The following ZNF628 variants were observed in gnomAD, a reference collection of about 807,000 sequenced individuals.
ZNF628 encodes zinc finger protein 628, also known as zinc finger protein Zec.
In ZNF628, 3 loss-of-function variants were observed where a neutral mutation model predicts 2.5. That is an observed-to-expected ratio of 1.19 (90% CI 0.54 to 3.07). The LOEUF is 3.07. Ranked by LOEUF, ZNF628 falls within the 30% of genes most tolerant of loss-of-function variation. The pLI is 0.03. For synonymous variants in ZNF628, 861 were observed against 717.1 expected (o/e 1.20, Z -3.21); for missense variants, 1,610 against 1,517.1 (o/e 1.06, Z -1.02).
Position 55,482,180 on chromosome 19 carries a change from C to A in ZNF628, c.987C>A (p.Pro329=), listed in dbSNP as rs572231430. 28 of 1,493,656 alleles carry A rather than the reference C, an allele frequency of 1.9e-5. 1 individual carries two copies. In the African/African-American group the frequency reaches 2.8e-4, roughly 15 times the overall value. 92.5% of individuals were successfully genotyped at this position (1,493,656 alleles called of 1,614,324 possible). A position where few individuals can be genotyped will look rare whatever the true frequency, so the allele number is the denominator to read the frequency against. ...CGGCGCCCCAGCCCCAGGAGGCACC[C>A]GCCGAGGCGCCCAAGGCCGACCAGC... ...PDAAPQPQEA[P]AEAPKADQPP... The change falls in exon 3 of 3, where the codon CCC becomes CCA. Residue 329 remains proline (P), a synonymous_variant. Coordinates refer to ENST00000598519, the MANE Select transcript of ZNF628 (RefSeq NM_033113.3).
chr19:55,477,815 C>T (rs1286565049), intron 1 of ZNF628, among the ~76,000 whole-genome samples: 1 of 152,026 alleles, frequency 6.6e-6, no homozygotes, highest in African/African-American at 2.4e-5. Flanking sequence ...GACGGGGATG[C>T]CTAGCCTTCA....
chr19:55,482,005 C>G lies in ZNF628; in HGVS notation c.812C>G (p.Pro271Arg), dbSNP rs926712381. The change falls in exon 3 of 3, where the codon CCG (proline) becomes CGG (arginine). Residue 271 changes from proline to arginine, a missense_variant. Transcript: ENST00000598519. ...QPHSPPAPPA[P>R]PPPPPPVVPE... The stretch of plus-strand genomic sequence containing the variant: ...CACAGCCCGCCCGCGCCTCCCGCCC[C>G]GCCGCCCCCGCCCCCGCCCGTGGTG... 451 of 1,470,492 alleles carry G rather than the reference C, an allele frequency of 3.1e-4. No homozygotes were observed. The highest frequency in any genetic ancestry group is 3.8e-4 in the Non-Finnish European group (422 of 1,115,568). The allele number at this position is 1,470,492 out of a possible 1,614,324, so 91.1% of individuals were successfully genotyped here.
In ZNF628 at chr19:55,481,937, G is replaced by A. The variant is rs1445894733; in HGVS notation, c.744G>A (p.Lys248=). 1 of 1,477,192 alleles carries A rather than the reference G, an allele frequency of 6.8e-7. No homozygotes were observed. The highest frequency in any genetic ancestry group is 8.9e-7 in the Non-Finnish European group (1 of 1,120,546). 91.5% of individuals were successfully genotyped at this position (1,477,192 alleles called of 1,614,324 possible). Residue 248 remains lysine, a synonymous_variant, in exon 3 of 3, where the codon AAG becomes AAA. Transcript: ENST00000598519. ...APPPQSREPG[K]VFVCDAYLQR... is the part of the protein sequence containing the mutation. Reference sequence around the variant, plus strand: ...CCCCCCAGTCCCGGGAGCCCGGCAAGGTCTTCGTGTGCGACGCCTACCTGC... The same window carrying A: ...CCCCCCAGTCCCGGGAGCCCGGCAAAGTCTTCGTGTGCGACGCCTACCTGC...
chr19:55,484,178 C>T lies in ZNF628; in HGVS notation c.2985C>T (p.Thr995=). The change falls in exon 3 of 3, where the codon ACC becomes ACT. Residue 995 remains threonine (T), a synonymous_variant. Coordinates refer to ENST00000598519, the MANE Select transcript of ZNF628 (RefSeq NM_033113.3). ...LLDSSNTGGG[T]ATLQLLAPPP... is the part of the protein sequence containing the mutation. ...ACAGCAGCAACACTGGAGGAGGCACCGCCACGCTGCAGCTCCTGGCCCCAC... is the reference window on the plus strand; with the variant it reads ...ACAGCAGCAACACTGGAGGAGGCACTGCCACGCTGCAGCTCCTGGCCCCAC... 3 of 1,555,650 alleles carry T rather than the reference C, an allele frequency of 1.9e-6. No individual in the cohort carries two copies. Among genetic ancestry groups the T allele is most frequent in the African/African-American group, 1.4e-5 (1 of 73,254 alleles).
In ZNF628 at chr19:55,479,652, C is replaced by T. The variant is rs1986651072; in HGVS notation, c.-77-182C>T. Among the ~76,000 whole-genome samples the T allele has an allele frequency of 1.3e-5, 2 of 152,078 alleles. No homozygotes were observed. The highest frequency in any genetic ancestry group is 2.4e-5 in the African/African-American group (1 of 41,372). On this transcript the variant is annotated intron_variant, in intron 1 of 2. Transcript: ENST00000598519. The surrounding 1 kb of genome is among the most constrained non-coding windows in gnomAD (Gnocchi z 5.1). ...GAATTGTAGGATGTTGGGCAGCATCCCTGGCCTCCACCCACTAGATGCCAG... is the reference window on the plus strand; with the variant it reads ...GAATTGTAGGATGTTGGGCAGCATCTCTGGCCTCCACCCACTAGATGCCAG...
intron 2 of ZNF628, among the ~76,000 whole-genome samples, chr19:55,480,848 T>G (rs1986681290): frequency 6.6e-6 from 1 of 152,206 alleles, no homozygotes; most frequent in Non-Finnish European, 1.5e-5. Context: ...CCTCTCTGCG[T>G]GTGGTCTTCA....
rs776321927 is a variant in ZNF628 at position 55,481,911 on chromosome 19, C to A, written c.718C>A (p.Pro240Thr). ...PAPGTASAAP[P>T]PQSREPGKVF... ...CCCGGGTACCGCCTCCGCGGCCCCG[C>A]CCCCCCAGTCCCGGGAGCCCGGCAA... is the stretch of plus-strand genomic sequence containing the variant. Residue 240 changes from proline (P) to threonine (T), a missense_variant, in exon 3 of 3, where the codon CCC becomes ACC. Physicochemically the swap from Pro to Thr is conservative, Grantham distance 38. This residue lies in a region of ZNF628 where 651 missense variants were observed against 575.6 expected (regional missense o/e 1.13). Coordinates refer to ENST00000598519, the MANE Select transcript of ZNF628 (RefSeq NM_033113.3). 1 of 1,467,598 alleles carries A rather than the reference C, an allele frequency of 6.8e-7. No homozygotes were observed. 90.9% of individuals were successfully genotyped at this position (1,467,598 alleles called of 1,614,324 possible).
chr19:55,481,008 G>A (rs1303097496), intron 2 of ZNF628, among the ~76,000 whole-genome samples, 193 bp from the exon 3 acceptor site: 1 of 152,204 alleles, frequency 6.6e-6, no homozygotes, highest in African/African-American at 2.4e-5. Context: ...AGCACTGAAA[G>A]TGCAGCATCG....
chr19:55,477,636 C>T (rs1986590346), intron 1 of ZNF628, among the ~76,000 whole-genome samples: 2 of 152,168 alleles, frequency 1.3e-5, no homozygotes, highest in South Asian at 2.1e-4. Flanking sequence ...GTGGCGTGCA[C>T]CTGTAATCCC....
chr19:55,477,360 T>G (rs781438981), intron 1 of ZNF628, among the ~76,000 whole-genome samples: 9,470 of 151,816 alleles, frequency 0.062, 369 homozygotes, highest in East Asian at 0.12. Flanking sequence ...TTTGTTTTTT[T>G]TTTTTTTTTT....
Position 55,479,708 on chromosome 19 carries a change from C to T in ZNF628, c.-77-126C>T, listed in dbSNP as rs1389118354. The T allele has an allele frequency of 5.2e-6, 2 of 383,762 alleles. No homozygotes were observed. The highest frequency in any genetic ancestry group is 3.7e-5 in the East Asian group (1 of 27,272). 23.8% of individuals were successfully genotyped at this position (383,762 alleles called of 1,614,324 possible). A position where few individuals can be genotyped will look rare whatever the true frequency, so the allele number is the denominator to read the frequency against. ...CTTGCCTCTCTAGTTAACAGATAAC[C>T]CCAAATGCCTCCAGGCATTGCGGGA... On this transcript the variant is annotated intron_variant, in intron 1 of 2. Transcript: ENST00000598519. This position sits in a 1 kb window ranked among gnomAD's most constrained non-coding sequence, Gnocchi z 5.1.
intron 1 of ZNF628, among the ~76,000 whole-genome samples, chr19:55,478,233 TAGA>T (rs1238938510): frequency 6.6e-6 from 1 of 152,038 alleles, no homozygotes; most frequent in African/African-American, 2.4e-5. Context: ...CCTGGTACAT[TAGA>T]AGGTGATAAT....
chr19:55,482,610 C>G lies in ZNF628; in HGVS notation c.1417C>G (p.Leu473Val). 1 of 1,607,312 alleles carries G rather than the reference C, an allele frequency of 6.2e-7. No homozygotes were observed. The highest frequency in any genetic ancestry group is 8.5e-7 in the Non-Finnish European group (1 of 1,178,010). The change falls in exon 3 of 3, where the codon CTG becomes GTG. Residue 473 changes from leucine to valine, a missense_variant. Coordinates refer to ENST00000598519, the MANE Select transcript of ZNF628 (RefSeq NM_033113.3). Reference protein sequence around the residue: ...FKGSSGLRYHLRDHTGERPYQ... With the variant: ...FKGSSGLRYHVRDHTGERPYQ... ...GGGCTCCTCCGGGCTGCGCTACCACCTGCGGGACCACACGGGCGAGCGGCC... is the reference window on the plus strand; with the variant it reads ...GGGCTCCTCCGGGCTGCGCTACCACGTGCGGGACCACACGGGCGAGCGGCC...
chr19:55,483,307 C>A lies in ZNF628; in HGVS notation c.2114C>A (p.Ala705Glu). ...GTAQAPSLGP[A>E]APNSQTFLLV... is the part of the protein sequence containing the mutation. The stretch of plus-strand genomic sequence containing the variant: ...GCCCAGGCCCCGAGCTTGGGGCCAG[C>A]AGCGCCCAACTCTCAGACGTTCCTC... Residue 705 changes from alanine (A) to glutamate (E), a missense_variant, in exon 3 of 3, where the codon GCA becomes GAA. By Grantham distance (107) the Ala-to-Glu change is moderately radical. This residue lies in a region of ZNF628 where 712 missense variants were observed against 603.6 expected (regional missense o/e 1.18). Transcript: ENST00000598519. 28 of 1,524,140 alleles carry A rather than the reference C, an allele frequency of 1.8e-5. No individual in the cohort carries two copies. The highest frequency in any genetic ancestry group is 2.5e-5 in the Non-Finnish European group (28 of 1,139,252). 94.4% of individuals were successfully genotyped at this position (1,524,140 alleles called of 1,614,324 possible).
rs1423509991 is a variant in ZNF628 at position 55,482,271 on chromosome 19, C to T, written c.1078C>T (p.Pro360Ser). 1.4e-6 allele frequency: 2 copies of T among 1,470,986 alleles called. No homozygotes were observed. Among genetic ancestry groups the T allele is most frequent in the South Asian group, 1.3e-5 (1 of 78,172 alleles). The allele number at this position is 1,470,986 out of a possible 1,614,324, so 91.1% of individuals were successfully genotyped here. A position where few individuals can be genotyped will look rare whatever the true frequency, so the allele number is the denominator to read the frequency against. The change falls in exon 3 of 3, where the codon CCC becomes TCC. Residue 360 changes from proline to serine, a missense_variant. Transcript: ENST00000598519. ...AAPAPGFACL[P>S]CGKSFRTVAG... ...CCCCGCGCCTGGCTTTGCCTGTCTG[C>T]CCTGCGGCAAGTCCTTCCGGACGGT...
chr19:55,483,354 C>G lies in ZNF628; in HGVS notation c.2161C>G (p.Leu721Val). 6.5e-7 allele frequency: 1 copy of G among 1,541,430 alleles called. No homozygotes were observed. The highest frequency in any genetic ancestry group is 8.7e-7 in the Non-Finnish European group (1 of 1,145,600). The change falls in exon 3 of 3, where the codon CTC (leucine) becomes GTC (valine). Residue 721 changes from leucine (L) to valine (V), a missense_variant. By Grantham distance (32) the Leu-to-Val change is conservative. Around this residue, in one of 5 missense-constraint regions of ZNF628, gnomAD observed 712 missense variants for 603.6 expected, o/e 1.18. Coordinates refer to ENST00000598519, the MANE Select transcript of ZNF628 (RefSeq NM_033113.3). ...TFLLVQTAQG[L>V]QLIPSSVQPP... is the part of the protein sequence containing the mutation. ...CCTCCTGGTGCAAACTGCCCAGGGCCTCCAGCTGATCCCCAGCAGCGTGCA... is the reference window on the plus strand; with the variant it reads ...CCTCCTGGTGCAAACTGCCCAGGGCGTCCAGCTGATCCCCAGCAGCGTGCA...
chr19:55,478,770 G>A (rs989292929), intron 1 of ZNF628, among the ~76,000 whole-genome samples: 1 of 152,174 alleles, frequency 6.6e-6, no homozygotes, highest in Admixed American at 6.5e-5. Context: ...GATATGTTCC[G>A]CCTGGAAGGG....
In ZNF628 at chr19:55,482,078, C is replaced by T; in HGVS notation, c.885C>T (p.Tyr295=). The T allele has an allele frequency of 6.6e-7, 1 of 1,505,790 alleles. No individual in the cohort carries two copies. The allele number at this position is 1,505,790 out of a possible 1,614,324, so 93.3% of individuals were successfully genotyped here. ...CGGAGACCACGGTGGAGCTGGTGTA[C>T]CGCTGCGATGGCTGCGAGCAGGGAT... ...AAAETTVELV[Y]RCDGCEQGFS... The change falls in exon 3 of 3, where the codon TAC becomes TAT. Residue 295 remains tyrosine (Y), a synonymous_variant. Coordinates refer to ENST00000598519, the MANE Select transcript of ZNF628 (RefSeq NM_033113.3).
rs1986847263 is a variant in ZNF628, at chr19:55,484,245, G to C, written c.3052G>C (p.Ala1018Pro). ...CTCGGGCCCCGCGGGGCTCCCCGGG[G>C]CTCCAGCCTCCCAGATGGTGCAAGT... Reference protein sequence around the residue: ...PASGPAGLPGAPASQMVQVVP... With the variant: ...PASGPAGLPGPPASQMVQVVP... Residue 1018 changes from alanine to proline, a missense_variant, in exon 3 of 3, where the codon GCT becomes CCT. Ala to Pro is a conservative substitution (Grantham distance 27). This residue lies in a region of ZNF628 where 712 missense variants were observed against 603.6 expected (regional missense o/e 1.18). Transcript: ENST00000598519. The C allele has an allele frequency of 6.5e-7, 1 of 1,548,556 alleles. No individual in the cohort carries two copies. Among genetic ancestry groups the C allele is most frequent in the Middle Eastern group, 1.7e-4 (1 of 5,826 alleles).
Sources: allele counts gnomAD v4.1 joint callset (sites outside exome capture counted in the v4.1 genomes callset), GRCh38; gene constraint gnomAD v4.1.1; regional missense constraint gnomAD v4.1.1; non-coding constraint Gnocchi (gnomAD v3.1); transcripts MANE v1.5; gene names NCBI Gene and HGNC (gene_info 2026-07-23, HGNC 2026-07-21).